ASIC2: variants seen among roughly 807,000 people sequenced by gnomAD.
The protein encoded by ASIC2 is acid-sensing ion channel 2.
Under a neutral mutation model 57.3 loss-of-function variants are expected in ASIC2, and 25 were observed. The ratio of observed to expected loss-of-function variants is 0.44; its 90% CI spans 0.32 to 0.61. The LOEUF is 0.61. Ranked by LOEUF, ASIC2 falls within the 20% of genes least tolerant of loss-of-function variation. The pLI, the probability that ASIC2 is intolerant of heterozygous loss-of-function variation, is 0.06. For synonymous variants in ASIC2, 319 were observed against 307.5 expected (o/e 1.04, Z -0.39); for missense variants, 641 against 738.1 (o/e 0.87, Z 1.52).
intron 1 of ASIC2, among the ~76,000 whole-genome samples, chr17:33,680,090 T>A (rs7210409): frequency 0.15 from 22,102 of 152,056 alleles, 2,596 homozygotes; most frequent in African/African-American, 0.32. Context: ...AGGCTGGTGG[T>A]GTACCCCCTT....
At chr17:33,460,681 G>A (rs1345260544) in intron 1 of ASIC2, among the ~76,000 whole-genome samples, 1 of 152,224 alleles carries the variant, frequency 6.6e-6, no homozygotes, top group East Asian at 1.9e-4. Flanking sequence ...GAGAGCATGT[G>A]TCAGGCATGA....
intron 1 of ASIC2, among the ~76,000 whole-genome samples, chr17:33,776,977 G>C (rs1034539313): frequency 2.0e-5 from 3 of 152,146 alleles, no homozygotes; most frequent in African/African-American, 7.2e-5. Context: ...GTGACCCTGT[G>C]TCTCCCCTTC....
chr17:33,186,235 C>T (rs1462050659), intron 1 of ASIC2, among the ~76,000 whole-genome samples: 12 of 152,062 alleles, frequency 7.9e-5, no homozygotes, highest in Admixed American at 6.6e-4. Context: ...CTCAGACTCT[C>T]GAGTAGCTGG....
At chr17:33,255,557 C>A (rs988872192) in intron 1 of ASIC2, among the ~76,000 whole-genome samples, 12 of 139,136 alleles carry the variant, frequency 8.6e-5, no homozygotes, top group African/African-American at 3.3e-4. Flanking sequence ...TCGCATCAGG[C>A]TGGTAACACT....
chr17:33,257,073 C>A (rs2142139746), intron 1 of ASIC2, among the ~76,000 whole-genome samples: 1 of 152,280 alleles, frequency 6.6e-6, no homozygotes, highest in African/African-American at 2.4e-5. Context: ...TACCTCCCAT[C>A]CCAGAGTGCT....
intron 1 of ASIC2, among the ~76,000 whole-genome samples, chr17:33,339,831 T>G (rs1169452355): frequency 6.6e-6 from 1 of 152,154 alleles, no homozygotes; most frequent in Non-Finnish European, 1.5e-5. Context: ...TAAAACCAGA[T>G]TTGGCAGTGG....
Position 33,293,172 on chromosome 17 carries a change from C to G in ASIC2, c.-1057G>C, listed in dbSNP as rs565933386. On this transcript the variant is annotated 5_prime_UTR_variant, in exon 1 of 10. Transcript: ENST00000225823. The stretch of plus-strand genomic sequence containing the variant: ...CGCGGTGGCCGTGACGCCGGCTAAG[C>G]TCCTTCCCCGGTTGCCCGGGAGAAC... Among the ~76,000 whole-genome samples the G allele has an allele frequency of 1.6e-4, 25 of 152,358 alleles. No individual in the cohort carries two copies. The highest frequency in any genetic ancestry group is 5.5e-4 in the African/African-American group (23 of 41,586).
At chr17:33,228,442 G>A (rs1156731306) in intron 1 of ASIC2, among the ~76,000 whole-genome samples, 3 of 152,264 alleles carry the variant, frequency 2.0e-5, no homozygotes, top group Non-Finnish European at 4.4e-5. Flanking sequence ...AGGTCCTCCC[G>A]AGGAGGCAGG....
At chr17:34,150,771 A>G (rs1904483967) in intron 1 of ASIC2, among the ~76,000 whole-genome samples, 1 of 152,166 alleles carries the variant, frequency 6.6e-6, no homozygotes, top group South Asian at 2.1e-4. Context: ...GTAAAGCTGG[A>G]TTTTGAAGGA....
intron 1 of ASIC2, among the ~76,000 whole-genome samples, chr17:33,628,458 G>A (rs4307999): frequency 0.4 from 60,072 of 151,544 alleles, 13,081 homozygotes; most frequent in African/African-American, 0.58. Flanking sequence ...TGCCTGGCTA[G>A]TTTTTAAATT....
intron 1 of ASIC2, among the ~76,000 whole-genome samples, chr17:33,120,173 C>T (rs368687256): frequency 1.4e-4 from 22 of 152,176 alleles, no homozygotes; most frequent in African/African-American, 4.6e-4. Context: ...GATATGGTAA[C>T]GTGACCCCCT....
intron 2 of ASIC2, among the ~76,000 whole-genome samples, chr17:33,091,269 C>T (rs148926656): frequency 2.2e-4 from 34 of 152,124 alleles, no homozygotes; most frequent in African/African-American, 5.5e-4. Flanking sequence ...CTGTCCAAGA[C>T]GGGGGTTGAG....
chr17:33,944,452 T>G (rs1356048777), intron 1 of ASIC2, among the ~76,000 whole-genome samples: 10 of 152,268 alleles, frequency 6.6e-5, no homozygotes, highest in Admixed American at 5.9e-4. Flanking sequence ...GAGAGGAGAC[T>G]GGTGCTCACA....
At chr17:34,094,113 G>A (rs1369540774) in intron 1 of ASIC2, among the ~76,000 whole-genome samples, 2 of 152,142 alleles carry the variant, frequency 1.3e-5, no homozygotes, top group Non-Finnish European at 1.5e-5. Flanking sequence ...GAAACATTCT[G>A]GTGATTGCGG....
At chr17:33,825,632 C>T (rs1912882241) in intron 1 of ASIC2, among the ~76,000 whole-genome samples, 1 of 152,148 alleles carries the variant, frequency 6.6e-6, no homozygotes, top group Non-Finnish European at 1.5e-5. Flanking sequence ...CCACCATTAC[C>T]CTCACTCAAC....
At chr17:33,845,910 A>G (rs1913581188) in intron 1 of ASIC2, among the ~76,000 whole-genome samples, 1 of 152,226 alleles carries the variant, frequency 6.6e-6, no homozygotes, top group African/African-American at 2.4e-5. Context: ...AACTGCTATT[A>G]GCATTTAGCT....
At chr17:33,699,027 T>A (rs758984302) in intron 1 of ASIC2, among the ~76,000 whole-genome samples, 13 of 152,190 alleles carry the variant, frequency 8.5e-5, no homozygotes, top group Non-Finnish European at 7.3e-5. Flanking sequence ...GGCAGGAGAA[T>A]AGGAGTTTCC....
chr17:33,214,090 G>A (rs1907382653), intron 1 of ASIC2, among the ~76,000 whole-genome samples: 1 of 152,086 alleles, frequency 6.6e-6, no homozygotes, highest in African/African-American at 2.4e-5. Flanking sequence ...TCGTGCCCAG[G>A]GTAGCATGGC....
chr17:33,543,012 C>G (rs1179276956), intron 1 of ASIC2, among the ~76,000 whole-genome samples: 1 of 151,406 alleles, frequency 6.6e-6, no homozygotes, highest in East Asian at 1.9e-4. Context: ...TGGAAACCAT[C>G]ATTCTCAGTA....
Sources: allele counts gnomAD v4.1 joint callset (sites outside exome capture counted in the v4.1 genomes callset), GRCh38; gene constraint gnomAD v4.1.1; transcripts MANE v1.5; gene names NCBI Gene and HGNC (gene_info 2026-07-23, HGNC 2026-07-21).